The following SLCO4A1 variants were observed in gnomAD, a reference collection of about 807,000 sequenced individuals.
The protein encoded by SLCO4A1 is colon organic anion transporter.
Under a neutral mutation model 64.6 loss-of-function variants are expected in SLCO4A1, and 51 were observed. The observed-to-expected ratio is 0.79, with a 90% CI of 0.63 to 1.00. The LOEUF is 1.00. SLCO4A1 is among the 50% of genes least tolerant of loss of function. SLCO4A1 has a pLI of 0.00. For synonymous variants in SLCO4A1, 471 were observed against 444.9 expected (o/e 1.06, Z -0.74); for missense variants, 919 against 980.5 (o/e 0.94, Z 0.84).
At chr20:62,647,074 G>T (rs1030054849) in intron 1 of SLCO4A1, among the ~76,000 whole-genome samples, 6 of 152,268 alleles carry the variant, frequency 3.9e-5, no homozygotes, top group Non-Finnish European at 7.3e-5. Flanking sequence ...CCTGTGCGAG[G>T]TCACCAGGTA....
intron 11 of SLCO4A1, among the ~76,000 whole-genome samples, chr20:62,669,402 T>G (rs1986926767): frequency 6.6e-6 from 1 of 152,218 alleles, no homozygotes; most frequent in Non-Finnish European, 1.5e-5. Context: ...GCCCGTTAAC[T>G]AAAAGCTTTG....
rs986811071 is a variant in SLCO4A1, at chr20:62,685,401, C to T, written n.212-40C>T. ...TCCACTCTGCTGTGGCCTGACCAAGCGGGCTGTTTTCTTGCTTTGTTTGTT... is the reference window on the plus strand; with the variant it reads ...TCCACTCTGCTGTGGCCTGACCAAGTGGGCTGTTTTCTTGCTTTGTTTGTT... On this transcript the variant is annotated intron_variant and non_coding_transcript_variant, in intron 2 of 2. Transcript: ENST00000466818. The surrounding 1 kb of genome is among the most constrained non-coding windows in gnomAD (Gnocchi z 4.6). 4.0e-5 allele frequency: 39 copies of T among 979,514 alleles called. No individual in the cohort carries two copies. Among genetic ancestry groups the T allele is most frequent in the Non-Finnish European group, 4.4e-5 (36 of 824,536 alleles). The allele number at this position is 979,514 out of a possible 1,614,324, so 60.7% of individuals were successfully genotyped here. A position where few individuals can be genotyped will look rare whatever the true frequency, so the allele number is the denominator to read the frequency against.
At chr20:62,683,121 C>T (rs928165830) in intron 2 of SLCO4A1, among the ~76,000 whole-genome samples, 6 of 152,226 alleles carry the variant, frequency 3.9e-5, no homozygotes, top group East Asian at 1.9e-4. Context: ...TGATTTTAAT[C>T]GGCAGCACAT....
chr20:62,652,769 G>T (rs904584714), intron 1 of SLCO4A1, among the ~76,000 whole-genome samples: 4 of 152,240 alleles, frequency 2.6e-5, no homozygotes, highest in Admixed American at 2.0e-4. Context: ...CACCCAGGGA[G>T]CAGGCCCCAG....
In SLCO4A1 at chr20:62,656,977, T is replaced by C. The variant is rs775454478; in HGVS notation, c.523T>C (p.Trp175Arg). 6.4e-7 allele frequency: 1 copy of C among 1,566,736 alleles called. No individual in the cohort carries two copies. Among genetic ancestry groups the C allele is most frequent in the South Asian group, 1.2e-5 (1 of 85,072 alleles). Residue 175 changes from tryptophan (W) to arginine (R), a missense_variant, in exon 2 of 12, where the codon TGG (tryptophan) becomes CGG (arginine). Trp to Arg is a moderately radical substitution (Grantham distance 101, BLOSUM62 -3). Transcript: ENST00000217159. Reference sequence around the variant, plus strand: ...AGGGCACAAGCCGCGCTGGCTGGGCTGGGGCGTGCTGCTTATGGGCACGGG... The same window carrying C: ...AGGGCACAAGCCGCGCTGGCTGGGCCGGGGCGTGCTGCTTATGGGCACGGG... ...GSGHKPRWLG[W>R]GVLLMGTGSL...
chr20:62,688,989 CA>C, downstream of SLCO4A1, among the ~76,000 whole-genome samples: 1 of 152,340 alleles, frequency 6.6e-6, no homozygotes, highest in East Asian at 1.9e-4. Context: ...AGCTCGAGCA[CA>C]GTTAATTTCC....
Position 62,661,117 on chromosome 20 carries a change from A to T in SLCO4A1, c.1063A>T (p.Ser355Cys). The change falls in exon 5 of 12, where the codon AGC becomes TGC. Residue 355 changes from serine (S) to cysteine (C), a missense_variant. Transcript: ENST00000217159. The surrounding 1 kb of genome is among the most constrained non-coding windows in gnomAD (Gnocchi z 5.2). The part of the protein sequence containing the change: ...RAAEMHQLKD[S>C]SRGEASNPDF... ...GGCGGAAATGCACCAGTTGAAGGACAGCAGCCGTGGGGAGGCGAGCAACCC... is the reference window on the plus strand; with the variant it reads ...GGCGGAAATGCACCAGTTGAAGGACTGCAGCCGTGGGGAGGCGAGCAACCC... The T allele has an allele frequency of 6.5e-7, 1 of 1,544,374 alleles. No homozygotes were observed. The highest frequency in any genetic ancestry group is 8.8e-7 in the Non-Finnish European group (1 of 1,135,292).
At chr20:62,686,270 C>G (rs541051781), downstream of SLCO4A1, among the ~76,000 whole-genome samples, 1 of 152,192 alleles carries the variant, frequency 6.6e-6, no homozygotes, top group Admixed American at 6.5e-5. Context: ...CTCCAAGCAC[C>G]GGGTGGAAAC....
intron 1 of SLCO4A1, among the ~76,000 whole-genome samples, chr20:62,652,758 G>A (rs1982831567): frequency 6.6e-6 from 1 of 152,238 alleles, no homozygotes; most frequent in Non-Finnish European, 1.5e-5. Context: ...GTGGCCGCGG[G>A]CACCCAGGGA....
Position 62,644,672 on chromosome 20 carries a change from G to A in SLCO4A1, c.-97+2119G>A, listed in dbSNP as rs774108607. On this transcript the variant is annotated intron_variant, in intron 1 of 11. Coordinates refer to ENST00000217159, the MANE Select transcript of SLCO4A1 (RefSeq NM_016354.4). The surrounding 1 kb of genome is among the most constrained non-coding windows in gnomAD (Gnocchi z 5.4). ...TTGTAGAATGAAAAGTTAACTCATC[G>A]AGCTTAGTATTGTGCCTACAAGGTC... Among the ~76,000 whole-genome samples, 1 of 152,220 alleles carries A rather than the reference G, an allele frequency of 6.6e-6. No individual in the cohort carries two copies. Among genetic ancestry groups the A allele is most frequent in the Non-Finnish European group, 1.5e-5 (1 of 68,038 alleles).
intron 2 of SLCO4A1, among the ~76,000 whole-genome samples, chr20:62,678,549 T>TTTTTA (rs1987691613): frequency 6.6e-6 from 1 of 150,826 alleles, no homozygotes; most frequent in Non-Finnish European, 1.5e-5. Context: ...TTTTTTTTTT[T>TTTTTA]GAGACCGGGT....
rs190316867 is a variant in SLCO4A1 at position 62,671,728 on chromosome 20, C to T, written c.2026-22C>T. 39 of 1,608,110 alleles carry T rather than the reference C, an allele frequency of 2.4e-5. No homozygotes were observed. The East Asian group carries it at 8.3e-4, about 34-fold the overall frequency. Reference sequence around the variant, plus strand: ...CTCTGGCCGAGCTCCCCACGAGGTCCAGCGGGCTCCTCTCTCCCCAGGTGC... The same window carrying T: ...CTCTGGCCGAGCTCCCCACGAGGTCTAGCGGGCTCCTCTCTCCCCAGGTGC... On this transcript the variant is annotated intron_variant, in intron 11 of 11. Transcript: ENST00000217159.
rs779108123 is a variant in SLCO4A1, at chr20:62,669,002, G to C, written c.1949G>C (p.Gly650Ala). ...KACLLWQDQCGQQGSCLVYQN... is the reference protein window; with the variant it reads ...KACLLWQDQCAQQGSCLVYQN... ...TGTCTGCTGTGGCAGGACCAGTGTG[G>C]CCAGCAGGGCTCCTGCTTGGTGTAC... The change falls in exon 11 of 12, where the codon GGC (glycine) becomes GCC (alanine). Residue 650 changes from glycine (G) to alanine (A), a missense_variant. Gly to Ala is a moderately conservative substitution (Grantham distance 60). Transcript: ENST00000217159. The C allele has an allele frequency of 1.2e-6, 2 of 1,610,696 alleles. No individual in the cohort carries two copies. The highest frequency in any genetic ancestry group is 3.3e-5 in the Admixed American group (2 of 60,024).
intron 1 of SLCO4A1, among the ~76,000 whole-genome samples, chr20:62,647,682 GAAGT>G (rs2147058375): frequency 6.6e-6 from 1 of 152,396 alleles, no homozygotes; most frequent in Admixed American, 6.5e-5. Flanking sequence ...GCCAGGCTGG[GAAGT>G]AAGTGCATGG....
At chr20:62,666,618 C>T in intron 7 of SLCO4A1, 43 bp downstream of exon 7, 1 of 1,538,346 alleles carries the variant, frequency 6.5e-7, no homozygotes, top group Non-Finnish European at 8.9e-7. Flanking sequence ...GGGCCCCAAG[C>T]ACCCGCGGTC....
chr20:62,665,205 A>C (rs1601659831), intron 6 of SLCO4A1, 117 bp downstream of exon 6: 10 of 1,150,466 alleles, frequency 8.7e-6, no homozygotes, highest in East Asian at 2.5e-5. Flanking sequence ...GTGCCCTCCC[A>C]CCCCCGCTGC....
rs1987951688 is a variant in SLCO4A1 at position 62,683,948 on chromosome 20, GC to G, written n.212-1492del. 1.6e-4 allele frequency among the ~76,000 whole-genome samples: 11 copies of G among 70,616 alleles called. 3 individuals carry two copies. Among genetic ancestry groups the G allele is most frequent in the African/African-American group, 4.6e-4 (8 of 17,276 alleles). The allele number at this position is 70,616 out of a possible 152,430, so 46.3% of individuals were successfully genotyped here. On this transcript the variant is annotated intron_variant and non_coding_transcript_variant, in intron 2 of 2. Coordinates refer to the SLCO4A1 transcript ENST00000466818. ...ACGTGACCACGCGCTTCCCACACAC[GC>G]TCACGCAACGATCTCACGTGACCAC... is the stretch of plus-strand genomic sequence containing the variant.
chr20:62,652,819 A>G (rs971789509), intron 1 of SLCO4A1, among the ~76,000 whole-genome samples: 1 of 152,178 alleles, frequency 6.6e-6, no homozygotes, highest in Non-Finnish European at 1.5e-5. Flanking sequence ...GAGGCCTCCA[A>G]ATACGGCCTC....
intron 1 of SLCO4A1, chr20:62,651,418 C>T (rs948723150): frequency 3.9e-5 from 6 of 152,226 alleles, no homozygotes; most frequent in Non-Finnish European, 7.3e-5. Context: ...GACGTCAGAA[C>T]GAGGCCCCAA....
Sources: gnomAD v4.1 joint callset for allele counts (sites outside exome capture counted in the v4.1 genomes callset) on GRCh38, gnomAD v4.1.1 for gene constraint, Gnocchi (gnomAD v3.1) non-coding constraint, MANE v1.5 for transcripts, NCBI Gene and HGNC (gene_info 2026-07-23, HGNC 2026-07-21) for gene names.